The following LDLRAD3 variants were observed in gnomAD, a reference collection of about 807,000 sequenced individuals.
LDLRAD3 encodes low density lipoprotein receptor class A domain containing 3.
LDLRAD3 carries 20 observed loss-of-function variants against 29.4 expected under a neutral mutation model. That is an observed-to-expected ratio of 0.68 (90% confidence interval 0.48 to 0.99). The LOEUF (loss-of-function observed/expected upper bound fraction) is 0.99, where lower values mean the gene tolerates loss of function less well. Among genes scored for constraint, LDLRAD3 ranks in the 50% least tolerant of loss-of-function variants. LDLRAD3 has a pLI of 0.00. For missense variants in LDLRAD3, 420 were observed against 454.3 expected (o/e 0.92, Z 0.69); for synonymous variants, 157 against 192.7 (o/e 0.81, Z 1.53).
intron 5 of LDLRAD3, 62 bp from the exon 6 acceptor site, chr11:36,229,098 C>A: frequency 8.5e-7 from 1 of 1,176,486 alleles, no homozygotes; most frequent in Non-Finnish European, 1.3e-6. Context: ...TATCTTGGCC[C>A]TAATGTGTTC....
intron 1 of LDLRAD3, among the ~76,000 whole-genome samples, chr11:35,960,440 T>C (rs990736857): frequency 2.0e-5 from 3 of 152,226 alleles, no homozygotes; most frequent in Middle Eastern, 3.2e-3. Flanking sequence ...TGAGTAGATA[T>C]TGCCAACTTC....
At chr11:36,086,044 G>A (rs1590255421) in intron 3 of LDLRAD3, among the ~76,000 whole-genome samples, 1 of 152,022 alleles carries the variant, frequency 6.6e-6, no homozygotes, top group African/African-American at 2.4e-5. Context: ...CCTATATAGT[G>A]TTTTGTTTTG....
At chr11:36,138,604 T>A (rs9630151) in intron 4 of LDLRAD3, among the ~76,000 whole-genome samples, 117,896 of 152,192 alleles carry the variant, frequency 0.77, 45,867 homozygotes, top group East Asian at 0.95. Flanking sequence ...TATGATTAGT[T>A]AAAAATGGGA....
chr11:36,179,976 C>T (rs371180041), intron 4 of LDLRAD3, among the ~76,000 whole-genome samples: 44 of 152,136 alleles, frequency 2.9e-4, no homozygotes, highest in African/African-American at 1.0e-3. Flanking sequence ...GCCTAGACAA[C>T]AGAGCAAAAC....
At chr11:36,206,725 CTTTTTTT>C (rs33957569) in intron 4 of LDLRAD3, among the ~76,000 whole-genome samples, 3 of 133,132 alleles carry the variant, frequency 2.3e-5, no homozygotes, top group Non-Finnish European at 1.6e-5. Context: ...GTTGATTTTA[CTTTTTTT>C]TTTTTTTTTT....
chr11:36,210,397 C>G (rs970504130), intron 4 of LDLRAD3, among the ~76,000 whole-genome samples: 1 of 152,114 alleles, frequency 6.6e-6, no homozygotes, highest in Non-Finnish European at 1.5e-5. Flanking sequence ...AAATGCTTGT[C>G]TGAGCTCTCC....
Position 35,959,719 on chromosome 11 carries a change from C to T in LDLRAD3, c.46+15575C>T, listed in dbSNP as rs574519007. 2.6e-3 allele frequency among the ~76,000 whole-genome samples: 399 copies of T among 151,940 alleles called. 1 individual carries two copies. Among genetic ancestry groups the T allele is most frequent in the Non-Finnish European group, 4.3e-3 (295 of 67,976 alleles). On this transcript the variant is annotated intron_variant, in intron 1 of 5. Transcript: ENST00000315571. Reference sequence around the variant, plus strand: ...GGTGGATCACTTGAGGCCAGGAGTTCGCGACCAGCCTGGCTCACATGGTGA... The same window carrying T: ...GGTGGATCACTTGAGGCCAGGAGTTTGCGACCAGCCTGGCTCACATGGTGA...
chr11:36,125,831 A>G (rs1853828297), intron 4 of LDLRAD3, among the ~76,000 whole-genome samples: 1 of 152,152 alleles, frequency 6.6e-6, no homozygotes, highest in Non-Finnish European at 1.5e-5. Context: ...GATGTTTTCA[A>G]GCCACATGGA....
At chr11:36,150,645 C>A (rs950059469) in intron 4 of LDLRAD3, among the ~76,000 whole-genome samples, 7 of 152,036 alleles carry the variant, frequency 4.6e-5, no homozygotes, top group Non-Finnish European at 8.8e-5. Flanking sequence ...GTCCCAGCTA[C>A]TTGGGAGGCT....
At chr11:36,003,482 C>T (rs752886009) in intron 1 of LDLRAD3, among the ~76,000 whole-genome samples, 1 of 152,108 alleles carries the variant, frequency 6.6e-6, no homozygotes, top group Non-Finnish European at 1.5e-5. Context: ...TAGGGTCTTA[C>T]AGCAAAAATG....
At chr11:36,125,882 C>G (rs565312710) in intron 4 of LDLRAD3, among the ~76,000 whole-genome samples, 4 of 152,140 alleles carry the variant, frequency 2.6e-5, no homozygotes, top group Admixed American at 6.5e-5. Flanking sequence ...TCCGTCCCCT[C>G]CCATAACCCC....
intron 2 of LDLRAD3, among the ~76,000 whole-genome samples, chr11:36,054,312 G>A (rs1852573343): frequency 6.6e-6 from 1 of 152,194 alleles, no homozygotes; most frequent in Admixed American, 6.5e-5. Flanking sequence ...CATAGGAGCA[G>A]CATTGTATTT....
chr11:36,193,501 TA>T (rs1269113370), intron 4 of LDLRAD3, among the ~76,000 whole-genome samples: 1 of 152,194 alleles, frequency 6.6e-6, no homozygotes, highest in Non-Finnish European at 1.5e-5. Context: ...CCCAGCCTGT[TA>T]TTTAAAGCTT....
intron 1 of LDLRAD3, among the ~76,000 whole-genome samples, chr11:36,008,356 C>T (rs149288640): frequency 3.2e-4 from 49 of 152,268 alleles, no homozygotes; most frequent in African/African-American, 1.1e-3. Context: ...AAGCCTCCTC[C>T]ATCCCAACTC....
rs576802576 is a variant in LDLRAD3 at position 36,134,967 on chromosome 11, A to C, written c.454+36506A>C. On this transcript the variant is annotated intron_variant, in intron 4 of 5. Coordinates refer to ENST00000315571, the MANE Select transcript of LDLRAD3 (RefSeq NM_174902.4). Reference sequence around the variant, plus strand: ...CTGCCTCTAGGTTTCTCTCCTGGTTACTCTTATGTCCCCAGTTCTCCACTC... The same window carrying C: ...CTGCCTCTAGGTTTCTCTCCTGGTTCCTCTTATGTCCCCAGTTCTCCACTC... Among the ~76,000 whole-genome samples, 7 of 151,714 alleles carry C rather than the reference A, an allele frequency of 4.6e-5. No individual in the cohort carries two copies. In the South Asian group the frequency reaches 1.3e-3, roughly 27 times the overall value.
At chr11:36,111,877 G>T (rs1372341659) in intron 4 of LDLRAD3, among the ~76,000 whole-genome samples, 1 of 152,192 alleles carries the variant, frequency 6.6e-6, no homozygotes. Context: ...GGTTACAGGC[G>T]TGAGCCACCA....
intron 1 of LDLRAD3, among the ~76,000 whole-genome samples, chr11:35,989,358 C>T (rs576063744): frequency 2.6e-5 from 4 of 152,070 alleles, no homozygotes; most frequent in Non-Finnish European, 5.9e-5. Flanking sequence ...TCTTTGGGCT[C>T]TTTTTTGGTT....
At chr11:36,083,325 T>G (rs1853144434) in intron 3 of LDLRAD3, among the ~76,000 whole-genome samples, 1 of 152,224 alleles carries the variant, frequency 6.6e-6, no homozygotes, top group Non-Finnish European at 1.5e-5. Flanking sequence ...TTCATCCCTT[T>G]TTGTACCCCC....
intron 1 of LDLRAD3, among the ~76,000 whole-genome samples, chr11:35,963,034 T>G (rs2133137365): frequency 6.6e-6 from 1 of 152,142 alleles, no homozygotes; most frequent in South Asian, 2.1e-4. Flanking sequence ...CAAAGTAGAG[T>G]TATATGGTGA....
Sources: allele counts gnomAD v4.1 joint callset (sites outside exome capture counted in the v4.1 genomes callset), GRCh38; gene constraint gnomAD v4.1.1; transcripts MANE v1.5; gene names NCBI Gene and HGNC (gene_info 2026-07-23, HGNC 2026-07-21).